POU2AF2: variants seen among roughly 807,000 people sequenced by gnomAD.
POU2AF2 encodes the protein POU domain class 2-associating factor 2.
the POU2AF2 span, among the ~76,000 whole-genome samples, chr11:111,261,756 T>A: frequency 6.6e-6 from 1 of 152,166 alleles, no homozygotes; most frequent in Non-Finnish European, 1.5e-5. Flanking sequence ...GGCTCATTCA[T>A]CAAAATGCTA....
At chr11:111,250,001 T>C in the POU2AF2 span, among the ~76,000 whole-genome samples, 3 of 152,226 alleles carry the variant, frequency 2.0e-5, no homozygotes, top group African/African-American at 2.4e-5. Flanking sequence ...TTCTTAGATG[T>C]ACAGTTTTTA....
chr11:111,269,701 A>G, the POU2AF2 span, among the ~76,000 whole-genome samples: 1 of 152,168 alleles, frequency 6.6e-6, no homozygotes, highest in Non-Finnish European at 1.5e-5. Context: ...TAACTTAGCT[A>G]CATAAATACA....
the POU2AF2 span, among the ~76,000 whole-genome samples, chr11:111,264,835 G>GAGGA: frequency 2.1e-5 from 3 of 142,556 alleles, no homozygotes; most frequent in Non-Finnish European, 3.0e-5. Context: ...GAAAGAAAGA[G>GAGGA]AGGAAGGAAG....
chr11:111,262,599 C>T, the POU2AF2 span, among the ~76,000 whole-genome samples: 2 of 152,170 alleles, frequency 1.3e-5, no homozygotes, highest in Non-Finnish European at 2.9e-5. Context: ...TTCCATGAAA[C>T]TTTGGGTAAC....
At chr11:111,257,499 G>A in the POU2AF2 span, among the ~76,000 whole-genome samples, 2 of 151,816 alleles carry the variant, frequency 1.3e-5, no homozygotes, top group African/African-American at 4.8e-5. Context: ...CTCCCAAGTA[G>A]CTGGGATTAC....
the POU2AF2 span, among the ~76,000 whole-genome samples, chr11:111,279,745 G>A: frequency 6.6e-6 from 1 of 151,906 alleles, no homozygotes; most frequent in Non-Finnish European, 1.5e-5. Context: ...CAGGTATCAG[G>A]GATTAAGGTA....
At chr11:111,278,366 G>C in the POU2AF2 span, among the ~76,000 whole-genome samples, 1 of 152,172 alleles carries the variant, frequency 6.6e-6, no homozygotes, top group Non-Finnish European at 1.5e-5. Context: ...GTTCGAACTC[G>C]AGGTTGATAT....
chr11:111,264,443 G>A, the POU2AF2 span, among the ~76,000 whole-genome samples: 1 of 150,642 alleles, frequency 6.6e-6, no homozygotes, highest in Non-Finnish European at 1.5e-5. Flanking sequence ...TTGCAGTGAG[G>A]CGAGATTGCA....
the POU2AF2 span, among the ~76,000 whole-genome samples, chr11:111,247,207 G>GAGAGAGAGAGAGAGAGAGAA: frequency 6.6e-6 from 1 of 151,646 alleles, no homozygotes; most frequent in East Asian, 1.9e-4. Context: ...GAGAGAGAGA[G>GAGAGAGAGAGAGAGAGAGAA]AGAGAGAGAG....
At chr11:111,249,908 G>A in the POU2AF2 span, among the ~76,000 whole-genome samples, 5 of 152,080 alleles carry the variant, frequency 3.3e-5, no homozygotes, top group Non-Finnish European at 5.9e-5. Flanking sequence ...CTTCAGGCTT[G>A]AATTTCTACT....
At chr11:111,259,488 G>T in the POU2AF2 span, among the ~76,000 whole-genome samples, 1 of 151,884 alleles carries the variant, frequency 6.6e-6, no homozygotes, top group Non-Finnish European at 1.5e-5. Context: ...GCTAATTTTT[G>T]TATTTTTAGT....
the POU2AF2 span, among the ~76,000 whole-genome samples, chr11:111,273,939 A>G: frequency 6.6e-6 from 1 of 152,358 alleles, no homozygotes; most frequent in South Asian, 2.1e-4. Context: ...AGTATGCAAA[A>G]TAAAAATTAT....
the POU2AF2 span, among the ~76,000 whole-genome samples, chr11:111,271,856 C>CA: frequency 0.01 from 1,512 of 145,310 alleles, 18 homozygotes; most frequent in African/African-American, 0.035. Flanking sequence ...CTACTAAATA[C>CA]AAAAAAAAAA....
the POU2AF2 span, among the ~76,000 whole-genome samples, chr11:111,264,566 AAGAAAGAAAGGGAG>A: frequency 0.024 from 924 of 39,122 alleles, 93 homozygotes; most frequent in Middle Eastern, 0.042. Flanking sequence ...GAAAGAAAGA[AAGAAAGAAAGGGAG>A]AGAGAAAGAC....
chr11:111,269,726 G>C, the POU2AF2 span, among the ~76,000 whole-genome samples: 2 of 152,048 alleles, frequency 1.3e-5, no homozygotes, highest in African/African-American at 2.4e-5. Flanking sequence ...GCATTCCAAA[G>C]GCATGCCAAG....
the POU2AF2 span, among the ~76,000 whole-genome samples, chr11:111,277,136 G>A: frequency 1.3e-5 from 2 of 152,192 alleles, no homozygotes; most frequent in African/African-American, 4.8e-5. Flanking sequence ...TCAATTGCAG[G>A]TTTAAGATAT....
chr11:111,284,184 G>A, the POU2AF2 span: 1 of 1,614,106 alleles, frequency 6.2e-7, no homozygotes, highest in African/African-American at 1.3e-5. Flanking sequence ...TCCAGCGTGG[G>A]GAAGCCGTTT....
At chr11:111,276,452 AAATATATATATATATATAT>A in the POU2AF2 span, among the ~76,000 whole-genome samples, 23 of 35,622 alleles carry the variant, frequency 6.5e-4, no homozygotes, top group Non-Finnish European at 1.3e-3. Flanking sequence ...AAAAAAAAAA[AAATATATATATATATATAT>A]ATATATATAT....
chr11:111,260,654 G>C, the POU2AF2 span, among the ~76,000 whole-genome samples: 1 of 152,146 alleles, frequency 6.6e-6, no homozygotes, highest in Non-Finnish European at 1.5e-5. Context: ...GCTTGAAAAA[G>C]CAAAGGCAAA....
Sources: allele counts gnomAD v4.1 joint callset (sites outside exome capture counted in the v4.1 genomes callset), GRCh38; gene constraint gnomAD v4.1.1; transcripts MANE v1.5; gene names NCBI Gene and HGNC (gene_info 2026-07-23, HGNC 2026-07-21).